The following LMX1A variants were observed in gnomAD, a reference collection of about 807,000 sequenced individuals.
The protein encoded by LMX1A is LIM homeobox transcription factor 1-alpha.
Under a neutral mutation model 49.1 loss-of-function variants are expected in LMX1A, and 15 were observed. The ratio of observed to expected loss-of-function variants is 0.31; its 90% confidence interval spans 0.20 to 0.47. The LOEUF (loss-of-function observed/expected upper bound fraction) is 0.47. LMX1A is among the 20% of genes least tolerant of loss of function. The probability of loss-of-function intolerance (pLI) is 1.00; values close to 1 mark genes in which losing one functional copy is unlikely to be tolerated. For synonymous variants in LMX1A, 167 were observed against 185.7 expected (o/e 0.90, Z 0.82); for missense variants, 372 against 475.8 (o/e 0.78, Z 2.03).
chr1:165,265,246 TC>T (rs1653588540), intron 3 of LMX1A, among the ~76,000 whole-genome samples: 1 of 144,918 alleles, frequency 6.9e-6, no homozygotes, highest in African/African-American at 2.6e-5. Context: ...GCCCCAGGGG[TC>T]CACCCCTTCC....
chr1:165,323,450 T>A (rs1236419510), intron 3 of LMX1A, among the ~76,000 whole-genome samples: 1 of 152,222 alleles, frequency 6.6e-6, no homozygotes, highest in African/African-American at 2.4e-5. Context: ...TTAAACAGAT[T>A]CATTTTAAAA....
chr1:165,249,265 A>G, intron 4 of LMX1A, 143 bp downstream of exon 4: 1 of 617,452 alleles, frequency 1.6e-6, no homozygotes, highest in Admixed American at 2.9e-5. Context: ...CTTACAAAGA[A>G]AGTTCCTGAA....
chr1:165,310,443 A>G (rs1448314386), intron 3 of LMX1A, among the ~76,000 whole-genome samples: 1 of 152,216 alleles, frequency 6.6e-6, no homozygotes, highest in Non-Finnish European at 1.5e-5. Context: ...TACAAAGTCA[A>G]AGTTGCCTCT....
At chr1:165,228,460 G>C (rs576836338) in intron 4 of LMX1A, among the ~76,000 whole-genome samples, 1 of 152,250 alleles carries the variant, frequency 6.6e-6, no homozygotes, top group African/African-American at 2.4e-5. Flanking sequence ...AACTCTCTCT[G>C]TTCTAAAAGT....
intron 3 of LMX1A, among the ~76,000 whole-genome samples, chr1:165,309,893 A>G (rs1655027526): frequency 6.6e-6 from 1 of 152,236 alleles, no homozygotes; most frequent in African/African-American, 2.4e-5. Context: ...AAAAATGCTC[A>G]TCCACTTGTC....
At chr1:165,325,213 C>G (rs1224971524) in intron 3 of LMX1A, among the ~76,000 whole-genome samples, 1 of 152,190 alleles carries the variant, frequency 6.6e-6, no homozygotes, top group Non-Finnish European at 1.5e-5. Flanking sequence ...TAGAAGATCT[C>G]TATCTGGCCT....
chr1:165,263,138 T>G (rs1241291375), intron 3 of LMX1A, among the ~76,000 whole-genome samples: 1 of 152,234 alleles, frequency 6.6e-6, no homozygotes, highest in East Asian at 1.9e-4. Context: ...TCGCTCCCCT[T>G]AGGGATCTTA....
intron 4 of LMX1A, among the ~76,000 whole-genome samples, chr1:165,247,591 A>G (rs1652906683): frequency 6.6e-6 from 1 of 152,202 alleles, no homozygotes; most frequent in Non-Finnish European, 1.5e-5. Context: ...TCCTGATGCC[A>G]GCTTTCTTAA....
chr1:165,233,187 G>C (rs1652298796), intron 4 of LMX1A, among the ~76,000 whole-genome samples: 1 of 152,202 alleles, frequency 6.6e-6, no homozygotes, highest in Admixed American at 6.5e-5. Context: ...GGGCACGGCG[G>C]CTCATGCCTA....
At chr1:165,231,754 C>T (rs1447602326) in intron 4 of LMX1A, among the ~76,000 whole-genome samples, 2 of 150,356 alleles carry the variant, frequency 1.3e-5, no homozygotes, top group African/African-American at 2.4e-5. Context: ...GATGTAAACT[C>T]ATTTAACAGA....
intron 3 of LMX1A, among the ~76,000 whole-genome samples, chr1:165,288,779 C>G (rs1442490073): frequency 1.3e-5 from 2 of 152,246 alleles, no homozygotes; most frequent in Non-Finnish European, 2.9e-5. Context: ...TCAAATAACC[C>G]TCTCCAGATA....
intron 3 of LMX1A, among the ~76,000 whole-genome samples, chr1:165,326,361 A>G (rs1655579674): frequency 6.6e-6 from 1 of 152,218 alleles, no homozygotes; most frequent in Non-Finnish European, 1.5e-5. Flanking sequence ...AATGTCTCAA[A>G]TCAGGGTAAT....
intron 3 of LMX1A, among the ~76,000 whole-genome samples, chr1:165,324,127 T>C (rs951910701): frequency 3.3e-5 from 5 of 152,232 alleles, no homozygotes; most frequent in African/African-American, 1.2e-4. Flanking sequence ...CAGTCGATTC[T>C]GTGGAATGGA....
chr1:165,310,096 GA>G (rs1488920148), intron 3 of LMX1A, among the ~76,000 whole-genome samples: 1 of 152,204 alleles, frequency 6.6e-6, no homozygotes, highest in Non-Finnish European at 1.5e-5. Flanking sequence ...TCATTTCACA[GA>G]GTTTCAGTCT....
rs771998983 is a variant in LMX1A at position 165,202,653 on chromosome 1, GCCCA to G, written c.*1223_*1226del. On this transcript the variant is annotated 3_prime_UTR_variant, in exon 9 of 9. Transcript: ENST00000342310. ...AAAGCAGGCCCGCAAGCAGGAGTTTGCCCAACCCTGCTCTAGAACACCACCAGGC... is the reference window on the plus strand; with the variant it reads ...AAAGCAGGCCCGCAAGCAGGAGTTTGACCCTGCTCTAGAACACCACCAGGC... 6.6e-6 allele frequency: 1 copy of G among 151,870 alleles called. No individual in the cohort carries two copies. The highest frequency in any genetic ancestry group is 2.4e-5 in the African/African-American group (1 of 41,344). The allele number at this position is 151,870 out of a possible 1,614,324, so 9.4% of individuals were successfully genotyped here. A position where few individuals can be genotyped will look rare whatever the true frequency, so the allele number is the denominator to read the frequency against.
At chr1:165,353,758 A>T (rs1656505963) in intron 2 of LMX1A, among the ~76,000 whole-genome samples, 2 of 152,248 alleles carry the variant, frequency 1.3e-5, no homozygotes, top group Non-Finnish European at 2.9e-5. Flanking sequence ...CTTCCTAAAA[A>T]GTCCTGGGGG....
chr1:165,260,463 C>T (rs529295528), intron 3 of LMX1A, among the ~76,000 whole-genome samples: 1 of 152,176 alleles, frequency 6.6e-6, no homozygotes, highest in East Asian at 1.9e-4. Flanking sequence ...CTCCATAAAT[C>T]CTGTTTGCTT....
At chr1:165,236,182 C>G (rs1166718116) in intron 4 of LMX1A, among the ~76,000 whole-genome samples, 1 of 152,178 alleles carries the variant, frequency 6.6e-6, no homozygotes, top group Non-Finnish European at 1.5e-5. Context: ...AGGGAGTTGC[C>G]AAGGTAACGG....
chr1:165,227,954 C>T (rs1255323395), intron 4 of LMX1A, among the ~76,000 whole-genome samples: 3 of 152,134 alleles, frequency 2.0e-5, no homozygotes. Flanking sequence ...GTGCATTTGA[C>T]AAACATTTAC....
Sources: allele counts gnomAD v4.1 joint callset (sites outside exome capture counted in the v4.1 genomes callset), GRCh38; gene constraint gnomAD v4.1.1; transcripts MANE v1.5; gene names NCBI Gene and HGNC (gene_info 2026-07-23, HGNC 2026-07-21).